Variants in PEBP4 observed in about 807,000 individuals in gnomAD.
PEBP4 encodes the protein phosphatidylethanolamine binding protein 4.
A neutral mutation model predicts 23.9 loss-of-function variants in PEBP4; 22 were observed. The observed-to-expected ratio is 0.92, with a 90% CI of 0.66 to 1.31. PEBP4 has a LOEUF of 1.31. PEBP4 is among the 40% of genes most tolerant of loss of function. PEBP4 has a pLI of 0.00. For synonymous variants in PEBP4, 112 were observed against 99.3 expected, an observed-to-expected ratio of 1.13 and a Z score of -0.76; for missense variants, 324 against 281.7, an observed-to-expected ratio of 1.15 and a Z score of -1.07.
intron 4 of PEBP4, among the ~76,000 whole-genome samples, chr8:22,787,891 G>A (rs1213188857): frequency 1.3e-5 from 2 of 152,164 alleles, no homozygotes; most frequent in South Asian, 4.1e-4. Context: ...GAAGATCTGG[G>A]CAGATGAAGG....
chr8:22,928,497 C>T (rs1809401201), upstream of PEBP4, among the ~76,000 whole-genome samples: 1 of 152,170 alleles, frequency 6.6e-6, no homozygotes, highest in Non-Finnish European at 1.5e-5. Context: ...AAAGGGGTGG[C>T]CTGCCCCAGC....
At chr8:22,739,606 G>A (rs1804945778) in intron 4 of PEBP4, among the ~76,000 whole-genome samples, 2 of 152,146 alleles carry the variant, frequency 1.3e-5, no homozygotes, top group African/African-American at 2.4e-5. Flanking sequence ...CAGGGCTTAT[G>A]AGTGAGCTGG....
chr8:22,847,702 T>A (rs1311494569), intron 3 of PEBP4, among the ~76,000 whole-genome samples: 1 of 152,120 alleles, frequency 6.6e-6, no homozygotes, highest in East Asian at 1.9e-4. Flanking sequence ...TCCCCTTCCC[T>A]ACAAAGATGG....
chr8:22,783,792 C>A (rs1360364424), intron 4 of PEBP4, among the ~76,000 whole-genome samples: 1 of 152,188 alleles, frequency 6.6e-6, no homozygotes, highest in Non-Finnish European at 1.5e-5. Context: ...GCCACCATGC[C>A]CAGCTAATGT....
At chr8:22,843,332 T>C (rs1181739918) in intron 3 of PEBP4, among the ~76,000 whole-genome samples, 1 of 152,180 alleles carries the variant, frequency 6.6e-6, no homozygotes, top group African/African-American at 2.4e-5. Context: ...AACTACTCAG[T>C]TGATCTAATA....
intron 3 of PEBP4, among the ~76,000 whole-genome samples, chr8:22,870,688 G>A (rs1209786872): frequency 2.0e-5 from 3 of 152,176 alleles, no homozygotes; most frequent in Non-Finnish European, 4.4e-5. Context: ...GGGAATGGGA[G>A]GAGTCAGGGG....
intron 3 of PEBP4, among the ~76,000 whole-genome samples, chr8:22,873,965 C>T (rs544570469): frequency 6.6e-6 from 1 of 152,248 alleles, no homozygotes; most frequent in South Asian, 2.1e-4. Flanking sequence ...CACATTTGTC[C>T]CTAGCTCTAG....
At chr8:22,756,835 A>C (rs957049085) in intron 4 of PEBP4, 1 of 152,170 alleles carries the variant, frequency 6.6e-6, no homozygotes, top group African/African-American at 2.4e-5. Flanking sequence ...AAAGGGACCC[A>C]GGGAGTACCT....
intron 4 of PEBP4, chr8:22,758,192 G>A (rs1805431575): frequency 6.6e-6 from 1 of 152,198 alleles, no homozygotes; most frequent in Admixed American, 6.5e-5. Context: ...TTTTGAAAAT[G>A]ATTTTGAAGC....
intron 6 of PEBP4, among the ~76,000 whole-genome samples, chr8:22,723,505 G>C (rs960504020): frequency 2.0e-5 from 3 of 152,036 alleles, no homozygotes; most frequent in African/African-American, 7.2e-5. Context: ...TCTCATGGTG[G>C]GGCTCAGAGG....
intron 4 of PEBP4, among the ~76,000 whole-genome samples, chr8:22,740,780 G>T (rs1412782262): frequency 6.6e-6 from 1 of 152,186 alleles, no homozygotes; most frequent in Non-Finnish European, 1.5e-5. Context: ...AGAGGGGCTG[G>T]GCCAGACCTG....
chr8:22,903,850 T>C (rs2128777398), intron 3 of PEBP4, among the ~76,000 whole-genome samples: 3 of 152,326 alleles, frequency 2.0e-5, no homozygotes, highest in Admixed American at 2.0e-4. Context: ...GGCATCCTCT[T>C]TGACCTCCTT....
At chr8:22,795,862 A>T (rs1173368223) in intron 4 of PEBP4, among the ~76,000 whole-genome samples, 1 of 152,214 alleles carries the variant, frequency 6.6e-6, no homozygotes, top group Non-Finnish European at 1.5e-5. Flanking sequence ...TTATTTTCTG[A>T]ATCAAAAAAT....
chr8:22,823,158 A>G (rs182452330), intron 3 of PEBP4, among the ~76,000 whole-genome samples: 33 of 152,146 alleles, frequency 2.2e-4, no homozygotes, highest in African/African-American at 7.7e-4. Context: ...TGAGTTTTCA[A>G]TATATGTATA....
chr8:22,733,197 C>T (rs751071884), intron 4 of PEBP4, among the ~76,000 whole-genome samples: 6 of 152,198 alleles, frequency 3.9e-5, no homozygotes, highest in Admixed American at 3.3e-4. Flanking sequence ...TTCAGCTCCT[C>T]GAGGGTGGGG....
chr8:22,825,553 C>T lies in PEBP4; in HGVS notation c.259-7818G>A, dbSNP rs138559314. Among the ~76,000 whole-genome samples the T allele has an allele frequency of 3.2e-4, 49 of 152,362 alleles. No homozygotes were observed. The East Asian group carries it at 8.3e-3, about 26-fold the overall frequency. On this transcript the variant is annotated intron_variant, in intron 3 of 6. Coordinates refer to ENST00000256404, the MANE Select transcript of PEBP4 (RefSeq NM_144962.3). ...CCATGAATGCTTATTACACCATGGA[C>T]TGGTGGTTCTTAGCTAATTCCTTCT...
At chr8:22,914,673 A>G (rs940913828) in intron 3 of PEBP4, among the ~76,000 whole-genome samples, 6 of 151,964 alleles carry the variant, frequency 3.9e-5, no homozygotes, top group African/African-American at 1.5e-4. Flanking sequence ...CGCCTGCTGG[A>G]ACACTGAGGA....
intron 3 of PEBP4, among the ~76,000 whole-genome samples, chr8:22,919,585 A>C (rs1809156156): frequency 6.6e-6 from 1 of 152,136 alleles, no homozygotes; most frequent in Non-Finnish European, 1.5e-5. Flanking sequence ...AGCACTAATC[A>C]CTGCCCAGTA....
intron 3 of PEBP4, among the ~76,000 whole-genome samples, chr8:22,881,975 G>GA (rs1440304746): frequency 1.3e-5 from 2 of 152,188 alleles, no homozygotes; most frequent in Non-Finnish European, 1.5e-5. Context: ...TGTGGGTGTT[G>GA]AATCACTGCC....
Sources: gnomAD v4.1 joint callset for allele counts (sites outside exome capture counted in the v4.1 genomes callset) on GRCh38, gnomAD v4.1.1 for gene constraint, MANE v1.5 for transcripts, NCBI Gene and HGNC (gene_info 2026-07-23, HGNC 2026-07-21) for gene names.